CSRNP3: variants seen among roughly 807,000 people sequenced by gnomAD.
CSRNP3 encodes the protein cysteine/serine-rich nuclear protein 3.
CSRNP3 carries 12 observed loss-of-function variants against 48.0 expected under a neutral mutation model. The ratio of observed to expected loss-of-function variants is 0.25; its 90% confidence interval spans 0.16 to 0.41. The LOEUF (loss-of-function observed/expected upper bound fraction) is 0.41. CSRNP3 is among the 10% of genes least tolerant of loss of function. CSRNP3 has a pLI of 1.00. For missense variants in CSRNP3, 580 were observed against 724.4 expected (o/e 0.80, Z 2.29); for synonymous variants, 263 against 269.7 (o/e 0.98, Z 0.24).
At chr2:165,479,797 A>T (rs953713834) in intron 1 of CSRNP3, among the ~76,000 whole-genome samples, 1 of 151,578 alleles carries the variant, frequency 6.6e-6, no homozygotes, top group African/African-American at 2.4e-5. Context: ...AGGCAGGAGG[A>T]TCACTTGAAC....
chr2:165,524,087 A>C (rs1684699663), intron 3 of CSRNP3, among the ~76,000 whole-genome samples: 1 of 152,230 alleles, frequency 6.6e-6, no homozygotes, highest in South Asian at 2.1e-4. Flanking sequence ...TAAAGAATCC[A>C]AAACCATACA....
chr2:165,515,684 A>G (rs1684571719), intron 2 of CSRNP3, among the ~76,000 whole-genome samples: 1 of 151,774 alleles, frequency 6.6e-6, no homozygotes, highest in Admixed American at 6.6e-5. Context: ...TAAGGAATTT[A>G]TTTTCACTAA....
chr2:165,494,266 T>G (rs1684257439), intron 1 of CSRNP3, among the ~76,000 whole-genome samples: 1 of 152,078 alleles, frequency 6.6e-6, no homozygotes, highest in Non-Finnish European at 1.5e-5. Flanking sequence ...ACCAATTTGA[T>G]TTTTGATGGA....
At chr2:165,567,008 G>A (rs991994514) in intron 3 of CSRNP3, 1 of 152,004 alleles carries the variant, frequency 6.6e-6, no homozygotes, top group African/African-American at 2.4e-5. Context: ...ATTTGTATTG[G>A]TGAAATAAAA....
intron 3 of CSRNP3, among the ~76,000 whole-genome samples, chr2:165,534,427 G>A (rs372940641): frequency 5.9e-5 from 9 of 152,028 alleles, no homozygotes; most frequent in African/African-American, 1.9e-4. Flanking sequence ...TGGTGAACAT[G>A]TAAATTCTTT....
At chr2:165,548,078 T>C (rs1469597439) in intron 3 of CSRNP3, among the ~76,000 whole-genome samples, 1 of 152,096 alleles carries the variant, frequency 6.6e-6, no homozygotes, top group Non-Finnish European at 1.5e-5. Context: ...AAGTCTCTGC[T>C]CCACCCTTCC....
At chr2:165,498,562 T>C (rs545550524) in intron 2 of CSRNP3, among the ~76,000 whole-genome samples, 47 of 152,114 alleles carry the variant, frequency 3.1e-4, no homozygotes, top group Non-Finnish European at 5.1e-4. Context: ...GATTTTATAT[T>C]TGCTTGTTTG....
At chr2:165,516,519 A>G (rs1479671688) in intron 2 of CSRNP3, among the ~76,000 whole-genome samples, 1 of 152,174 alleles carries the variant, frequency 6.6e-6, no homozygotes, top group Non-Finnish European at 1.5e-5. Context: ...ATTAGCTAGA[A>G]TTAACTATTC....
At chr2:165,479,424 C>T (rs1684010585) in intron 1 of CSRNP3, among the ~76,000 whole-genome samples, 1 of 152,080 alleles carries the variant, frequency 6.6e-6, no homozygotes, top group Non-Finnish European at 1.5e-5. Flanking sequence ...GTGACCTTGG[C>T]CTCATCACCT....
intron 5 of CSRNP3, among the ~76,000 whole-genome samples, chr2:165,665,996 G>A (rs1173222722): frequency 4.5e-5 from 6 of 133,642 alleles, no homozygotes; most frequent in African/African-American, 1.7e-4. Context: ...GAGAAAGGAA[G>A]GAAGGATAGA....
chr2:165,479,390 A>G (rs1313464382), intron 1 of CSRNP3, among the ~76,000 whole-genome samples: 1 of 152,178 alleles, frequency 6.6e-6, no homozygotes, highest in Non-Finnish European at 1.5e-5. Flanking sequence ...CCTGGGTTTG[A>G]ATTCTGGCTC....
At chr2:165,621,906 GT>G (rs1686346492) in intron 4 of CSRNP3, among the ~76,000 whole-genome samples, 1 of 152,046 alleles carries the variant, frequency 6.6e-6, no homozygotes, top group Non-Finnish European at 1.5e-5. Context: ...AGATGAGAAT[GT>G]TTATTTTGTT....
chr2:165,522,155 A>C (rs1185958569), intron 3 of CSRNP3, among the ~76,000 whole-genome samples: 1 of 151,952 alleles, frequency 6.6e-6, no homozygotes, highest in East Asian at 1.9e-4. Context: ...AGCTGGGTGC[A>C]GTGGTGTGTG....
rs1418993064 is a variant in CSRNP3 at position 165,671,525 on chromosome 2, A to C, written c.409-4787A>C. Among the ~76,000 whole-genome samples the C allele has an allele frequency of 2.0e-5, 3 of 152,218 alleles. No homozygotes were observed. In the East Asian group the frequency reaches 5.8e-4, roughly 29 times the overall value. ...CACCCCTTTTAGCCATGGCTGGAGC[A>C]GCTGAGACACAAGGCACCACATCCC... On this transcript the variant is annotated intron_variant, in intron 5 of 6. Coordinates refer to ENST00000651982, the MANE Select transcript of CSRNP3 (RefSeq NM_001172173.2).
At chr2:165,614,937 T>G (rs1402091863) in intron 4 of CSRNP3, among the ~76,000 whole-genome samples, 2 of 152,196 alleles carry the variant, frequency 1.3e-5, no homozygotes, top group African/African-American at 2.4e-5. Context: ...TTACATGACT[T>G]TGATATTTTT....
chr2:165,524,235 C>T lies in CSRNP3; in HGVS notation c.-24+6274C>T, dbSNP rs191215127. Among the ~76,000 whole-genome samples the T allele has an allele frequency of 1.2e-3, 188 of 152,154 alleles. 1 individual carries two copies. Among genetic ancestry groups the T allele is most frequent in the Non-Finnish European group, 2.1e-3 (141 of 68,004 alleles). On this transcript the variant is annotated intron_variant, in intron 3 of 6. Transcript: ENST00000651982. ...TTCAAATAGCAGGAGGAGGGAAGGA[C>T]GATGGCTTATTGAGTAGATGGTACT...
intron 3 of CSRNP3, among the ~76,000 whole-genome samples, chr2:165,530,585 T>C (rs1335380897): frequency 1.3e-5 from 2 of 152,144 alleles, no homozygotes; most frequent in Non-Finnish European, 2.9e-5. Flanking sequence ...GAAGGAATTT[T>C]TCCTCTCCTA....
chr2:165,505,369 A>T (rs192491176), intron 2 of CSRNP3, among the ~76,000 whole-genome samples: 3 of 152,162 alleles, frequency 2.0e-5, no homozygotes, highest in Non-Finnish European at 4.4e-5. Context: ...AGGCAAATAG[A>T]TACAGAAGTT....
intron 2 of CSRNP3, among the ~76,000 whole-genome samples, chr2:165,495,357 A>G (rs1297317788): frequency 1.3e-5 from 2 of 152,088 alleles, no homozygotes; most frequent in African/African-American, 4.8e-5. Context: ...TGCTTATGTG[A>G]AATCAAGGCC....
Sources: allele counts gnomAD v4.1 joint callset (sites outside exome capture counted in the v4.1 genomes callset), GRCh38; gene constraint gnomAD v4.1.1; transcripts MANE v1.5; gene names NCBI Gene and HGNC (gene_info 2026-07-23, HGNC 2026-07-21).